Variants in C13orf42 observed in about 807,000 individuals in gnomAD.
C13orf42 encodes the protein chromosome 13 open reading frame 42.
At chr13:51,167,319 A>C (rs1170834809) in intron 1 of C13orf42, among the ~76,000 whole-genome samples, 3 of 152,156 alleles carry the variant, frequency 2.0e-5, no homozygotes, top group Non-Finnish European at 4.4e-5. Flanking sequence ...GGGGAAGAGG[A>C]AGGGAGAGTG....
At chr13:51,094,986 C>T (rs957817639) in intron 1 of C13orf42, among the ~76,000 whole-genome samples, 1 of 152,120 alleles carries the variant, frequency 6.6e-6, no homozygotes, top group Non-Finnish European at 1.5e-5. Context: ...AGGGGAGTTC[C>T]CCTGCACATG....
At chr13:51,150,221 T>C (rs1953768399) in intron 1 of C13orf42, among the ~76,000 whole-genome samples, 1 of 152,202 alleles carries the variant, frequency 6.6e-6, no homozygotes, top group Non-Finnish European at 1.5e-5. Flanking sequence ...TTCTCCAGAA[T>C]TGGGGATATT....
intron 1 of C13orf42, among the ~76,000 whole-genome samples, chr13:51,097,579 A>C (rs1345650674): frequency 6.6e-6 from 1 of 152,162 alleles, no homozygotes; most frequent in Non-Finnish European, 1.5e-5. Context: ...ACATTCCCGC[A>C]GAGATTCCTT....
intron 2 of C13orf42, among the ~76,000 whole-genome samples, chr13:51,087,116 A>G (rs17075310): frequency 0.039 from 5,938 of 152,306 alleles, 373 homozygotes; most frequent in African/African-American, 0.13. Context: ...GGGCAAGTCA[A>G]AGATTAAACA....
intron 1 of C13orf42, among the ~76,000 whole-genome samples, chr13:51,146,057 G>A (rs1348465573): frequency 2.0e-5 from 3 of 152,106 alleles, no homozygotes; most frequent in East Asian, 3.9e-4. Flanking sequence ...GTGCAATATT[G>A]TGCCTGTAGA....
At chr13:51,149,663 T>C (rs1953764954) in intron 1 of C13orf42, among the ~76,000 whole-genome samples, 1 of 152,236 alleles carries the variant, frequency 6.6e-6, no homozygotes, top group Non-Finnish European at 1.5e-5. Context: ...GGTAGACGCA[T>C]AGTGAAGCCA....
In C13orf42 at chr13:51,124,033, C is replaced by T. The variant is rs7333609; in HGVS notation, n.137-10811G>A. On this transcript the variant is annotated intron_variant and non_coding_transcript_variant, in intron 1 of 4. Transcript: ENST00000433280. ...ATAAGATTTGCAACTTCCCCACTTA[C>T]TCTTGAAGGTAACATCACTATTGTG... is the stretch of plus-strand genomic sequence containing the variant. 8.2e-3 allele frequency among the ~76,000 whole-genome samples: 1,245 copies of T among 152,320 alleles called. 19 individuals are homozygous for T. Among genetic ancestry groups the T allele is most frequent in the African/African-American group, 0.028 (1,177 of 41,562 alleles).
chr13:51,125,985 A>G (rs1318129833), intron 1 of C13orf42, among the ~76,000 whole-genome samples: 1 of 152,216 alleles, frequency 6.6e-6, no homozygotes, highest in Non-Finnish European at 1.5e-5. Context: ...TGAATAGCAA[A>G]GCAAGGACAA....
chr13:51,170,056 G>C (rs1233178010), intron 1 of C13orf42, among the ~76,000 whole-genome samples: 4 of 152,158 alleles, frequency 2.6e-5, no homozygotes, highest in Non-Finnish European at 5.9e-5. Context: ...ACTACCTTGT[G>C]AAAGTCCTTT....
chr13:51,155,156 ATGT>A (rs1953815090), intron 1 of C13orf42, among the ~76,000 whole-genome samples: 2 of 152,352 alleles, frequency 1.3e-5, no homozygotes, highest in South Asian at 2.1e-4. Flanking sequence ...AAAGCCTATT[ATGT>A]TGTTATTAAA....
intron 1 of C13orf42, among the ~76,000 whole-genome samples, chr13:51,117,405 C>T (rs902717531): frequency 2.0e-5 from 3 of 152,176 alleles, no homozygotes; most frequent in African/African-American, 4.8e-5. Context: ...CTTGGAAAGA[C>T]AAATTCAGGG....
chr13:51,089,868 G>C (rs1339871094), intron 1 of C13orf42, among the ~76,000 whole-genome samples: 1 of 151,366 alleles, frequency 6.6e-6, no homozygotes. Context: ...ATCCATGGAA[G>C]AGAAATTTCC....
At chr13:51,104,225 A>T (rs1953324114) in intron 1 of C13orf42, among the ~76,000 whole-genome samples, 1 of 152,240 alleles carries the variant, frequency 6.6e-6, no homozygotes, top group Non-Finnish European at 1.5e-5. Context: ...AGGGCTTAAT[A>T]ATCCTTTGGA....
At chr13:51,147,858 C>T (rs1294108538) in intron 1 of C13orf42, among the ~76,000 whole-genome samples, 1 of 152,196 alleles carries the variant, frequency 6.6e-6, no homozygotes, top group Non-Finnish European at 1.5e-5. Context: ...AAATCAGAAC[C>T]TCCAGCAGGG....
At chr13:51,123,670 A>C (rs1538853) in intron 1 of C13orf42, among the ~76,000 whole-genome samples, 46,476 of 152,166 alleles carry the variant, frequency 0.31, 7,258 homozygotes, top group Middle Eastern at 0.41. Flanking sequence ...ATCTGCCTCT[A>C]TCACCTAACC....
At position 51,168,520 on chromosome 13, in the gene C13orf42, T is replaced by C. The variant is rs143632318; in HGVS notation, n.136+3733A>G. Among the ~76,000 whole-genome samples the C allele has an allele frequency of 2.1e-4, 32 of 152,352 alleles. No individual in the cohort carries two copies. In the East Asian group the frequency reaches 6.0e-3, roughly 28 times the overall value. On this transcript the variant is annotated intron_variant and non_coding_transcript_variant, in intron 1 of 4. Coordinates refer to the C13orf42 transcript ENST00000433280. Reference sequence around the variant, plus strand: ...GTTGCCCCATTAAAAGGAAAGGGCTTTCTTCCCCTGCCCACTGGCATCTTA... The same window carrying C: ...GTTGCCCCATTAAAAGGAAAGGGCTCTCTTCCCCTGCCCACTGGCATCTTA...
chr13:51,162,923 G>A (rs983266563), intron 1 of C13orf42, among the ~76,000 whole-genome samples: 1 of 152,176 alleles, frequency 6.6e-6, no homozygotes, highest in African/African-American at 2.4e-5. Context: ...CTGCTCCACT[G>A]CAGCTGCTTT....
At chr13:51,104,158 G>A (rs566416286) in intron 1 of C13orf42, among the ~76,000 whole-genome samples, 51 of 152,214 alleles carry the variant, frequency 3.4e-4, no homozygotes, top group Admixed American at 4.6e-4. Context: ...TAAGGAATTC[G>A]TATTCTAGGG....
chr13:51,095,052 A>G (rs1953217850), intron 1 of C13orf42, among the ~76,000 whole-genome samples: 1 of 152,084 alleles, frequency 6.6e-6, no homozygotes, highest in Non-Finnish European at 1.5e-5. Context: ...GCCTTCCACC[A>G]TGATTGTGAG....
Sources: gnomAD v4.1 joint callset for allele counts (sites outside exome capture counted in the v4.1 genomes callset) on GRCh38, gnomAD v4.1.1 for gene constraint, MANE v1.5 for transcripts, NCBI Gene and HGNC (gene_info 2026-07-23, HGNC 2026-07-21) for gene names.